Variants in GALNT5 observed in about 807,000 individuals in gnomAD.
The protein encoded by GALNT5 is polypeptide N-acetylgalactosaminyltransferase 5.
Under a neutral mutation model 85.4 loss-of-function variants are expected in GALNT5, and 72 were observed. The ratio of observed to expected loss-of-function variants is 0.84; its 90% CI spans 0.70 to 1.03. The LOEUF (loss-of-function observed/expected upper bound fraction) is 1.03, where lower values mean the gene tolerates loss of function less well. GALNT5 is among the 50% of genes least tolerant of loss of function. The pLI, the probability that GALNT5 is intolerant of heterozygous loss-of-function variation, is 0.00. For missense variants in GALNT5, 1,137 were observed against 1,135.5 expected, an observed-to-expected ratio of 1.00 and a Z score of -0.02; for synonymous variants, 404 against 397.0, an observed-to-expected ratio of 1.02 and a Z score of -0.21.
intron 5 of GALNT5, among the ~76,000 whole-genome samples, chr2:157,297,417 T>C (rs1190036417): frequency 2.0e-5 from 3 of 152,156 alleles, no homozygotes; most frequent in African/African-American, 7.2e-5. Flanking sequence ...CTTAAAGAGA[T>C]GGGGAAATTT....
chr2:157,260,823 G>A (rs1034258046), intron 1 of GALNT5, among the ~76,000 whole-genome samples: 2 of 152,178 alleles, frequency 1.3e-5, no homozygotes, highest in Non-Finnish European at 2.9e-5. Flanking sequence ...TCAGCAAACA[G>A]CTATCAGCCA....
At chr2:157,272,129 C>A (rs2105126882) in intron 1 of GALNT5, among the ~76,000 whole-genome samples, 2 of 152,130 alleles carry the variant, frequency 1.3e-5, no homozygotes, top group South Asian at 4.2e-4. Flanking sequence ...TATAAAGAGA[C>A]CTTGCTTCAT....
At chr2:157,306,051 C>T (rs1384507687) in intron 8 of GALNT5, among the ~76,000 whole-genome samples, 1 of 152,166 alleles carries the variant, frequency 6.6e-6, no homozygotes, top group Non-Finnish European at 1.5e-5. Flanking sequence ...AGTCCTGGCA[C>T]CATCATTTGC....
intron 1 of GALNT5, among the ~76,000 whole-genome samples, chr2:157,274,078 G>C (rs1440770771): frequency 6.6e-6 from 1 of 151,942 alleles, no homozygotes; most frequent in Non-Finnish European, 1.5e-5. Flanking sequence ...TGTGGTGTTT[G>C]GTTTTCTGTC....
rs1370707788 is a variant in GALNT5, at chr2:157,314,958, A to T, written c.*3610A>T. 6.6e-6 allele frequency among the ~76,000 whole-genome samples: 1 copy of T among 152,014 alleles called. No homozygotes were observed. The highest frequency in any genetic ancestry group is 1.9e-4 in the East Asian group (1 of 5,170). ...CTGGGCATGGTGGTGGGCGCCTGTA[A>T]TCCCAGCTACCTGGGAGGCTGAAGC... On this transcript the variant is annotated 3_prime_UTR_variant, in exon 10 of 10. Transcript: ENST00000259056.
intron 8 of GALNT5, among the ~76,000 whole-genome samples, chr2:157,308,256 T>C (rs1270423008): frequency 6.6e-6 from 1 of 152,222 alleles, no homozygotes; most frequent in African/African-American, 2.4e-5. Context: ...TTAATTGCAC[T>C]GAATAATTTT....
At chr2:157,310,503 CT>C (rs1442705809) in intron 9 of GALNT5, among the ~76,000 whole-genome samples, 2 of 152,082 alleles carry the variant, frequency 1.3e-5, no homozygotes, top group Non-Finnish European at 2.9e-5. Flanking sequence ...AAAGTCACCC[CT>C]GTTTGATAAC....
intron 2 of GALNT5, 49 bp from the exon 3 acceptor site, chr2:157,285,966 G>C (rs369538720): frequency 2.1e-6 from 3 of 1,456,912 alleles, no homozygotes; most frequent in Non-Finnish European, 2.9e-6. Flanking sequence ...GATACTATCC[G>C]GACTTACTTA....
intron 1 of GALNT5, among the ~76,000 whole-genome samples, chr2:157,263,030 T>C (rs1253509373): frequency 1.3e-5 from 2 of 151,444 alleles, no homozygotes; most frequent in Non-Finnish European, 2.9e-5. Context: ...GGTTTCACCG[T>C]GTTAGCCAGG....
intron 7 of GALNT5, 115 bp from the exon 8 acceptor site, chr2:157,305,634 G>C: frequency 1.5e-6 from 1 of 645,688 alleles, no homozygotes; most frequent in Non-Finnish European, 2.8e-6. Flanking sequence ...GTAATGCTAA[G>C]CTATTAACTT....
In GALNT5 at chr2:157,311,318, G is replaced by A; in HGVS notation, c.2793G>A (p.Lys931=). 6.2e-7 allele frequency: 1 copy of A among 1,609,068 alleles called. No homozygotes were observed. Among genetic ancestry groups the A allele is most frequent in the Non-Finnish European group, 8.5e-7 (1 of 1,177,646 alleles). The part of the protein sequence containing the change: ...AACDPVKPYQ[K]WKFEKYYEA The stretch of plus-strand genomic sequence containing the variant: ...GTGACCCAGTGAAGCCATATCAAAA[G>A]TGGAAATTTGAAAAATATTATGAAG... The change falls in exon 10 of 10, where the codon AAG becomes AAA. Residue 931 remains lysine, a synonymous_variant. Transcript: ENST00000259056.
At chr2:157,305,293 G>A (rs1574035275) in intron 7 of GALNT5, among the ~76,000 whole-genome samples, 1 of 152,136 alleles carries the variant, frequency 6.6e-6, no homozygotes, top group South Asian at 2.1e-4. Context: ...GGAATCTGCT[G>A]TTCTTTGAAG....
intron 7 of GALNT5, chr2:157,302,317 T>A (rs1683360638): frequency 6.6e-6 from 1 of 152,168 alleles, no homozygotes; most frequent in East Asian, 1.9e-4. Context: ...AGGAAAGCTA[T>A]GAAAGACAAG....
intron 1 of GALNT5, among the ~76,000 whole-genome samples, chr2:157,283,621 G>A (rs1033763402): frequency 3.3e-5 from 5 of 152,166 alleles, no homozygotes; most frequent in African/African-American, 1.2e-4. Context: ...TACACAAGCA[G>A]AATGGGAGAA....
At chr2:157,263,422 G>A (rs77746234) in intron 1 of GALNT5, among the ~76,000 whole-genome samples, 10,347 of 152,064 alleles carry the variant, frequency 0.068, 1,181 homozygotes, top group African/African-American at 0.23. Context: ...GAATCCAACT[G>A]TGGCTTCCTT....
intron 3 of GALNT5, among the ~76,000 whole-genome samples, chr2:157,294,894 T>A (rs145982413): frequency 3.4e-4 from 52 of 150,968 alleles, no homozygotes; most frequent in African/African-American, 1.2e-3. Context: ...AGAGAGAGAG[T>A]GTTACTTCAC....
intron 3 of GALNT5, among the ~76,000 whole-genome samples, chr2:157,293,447 T>C (rs1683142086): frequency 6.6e-6 from 1 of 152,196 alleles, no homozygotes; most frequent in African/African-American, 2.4e-5. Context: ...CCCCACCTCC[T>C]AATACTGTCA....
At chr2:157,303,791 A>G (rs932559477) in intron 7 of GALNT5, among the ~76,000 whole-genome samples, 18 of 152,204 alleles carry the variant, frequency 1.2e-4, no homozygotes, top group African/African-American at 3.1e-4. Context: ...TTTCCTTCCA[A>G]TGCTTTTCGG....
At chr2:157,288,725 C>T (rs1574025486) in intron 3 of GALNT5, among the ~76,000 whole-genome samples, 1 of 152,158 alleles carries the variant, frequency 6.6e-6, no homozygotes. Context: ...GTCTGATGTA[C>T]ATTTTGAAAG....
Sources: gnomAD v4.1 joint callset for allele counts (sites outside exome capture counted in the v4.1 genomes callset) on GRCh38, gnomAD v4.1.1 for gene constraint, MANE v1.5 for transcripts, NCBI Gene and HGNC (gene_info 2026-07-23, HGNC 2026-07-21) for gene names.